The following AMBRA1 variants were observed in gnomAD, a reference collection of about 807,000 sequenced individuals.
AMBRA1 encodes the protein autophagy and beclin 1 regulator 1, also known as activating molecule in BECN1-regulated autophagy protein 1.
AMBRA1 carries 47 observed loss-of-function variants against 125.4 expected under a neutral mutation model. The observed-to-expected ratio is 0.37, with a 90% CI of 0.30 to 0.48. The LOEUF (loss-of-function observed/expected upper bound fraction) is 0.48. Among genes scored for constraint, AMBRA1 ranks in the 20% least tolerant of loss-of-function variants. The probability of loss-of-function intolerance (pLI) is 0.99; values close to 1 mark genes in which losing one functional copy is unlikely to be tolerated. For synonymous variants in AMBRA1, 626 were observed against 655.5 expected, an observed-to-expected ratio of 0.95 and a Z score of 0.69; for missense variants, 1,331 against 1,693.4, an observed-to-expected ratio of 0.79 and a Z score of 3.76.
At chr11:46,511,155 G>C (rs1347844800) in intron 8 of AMBRA1, among the ~76,000 whole-genome samples, 4 of 152,178 alleles carry the variant, frequency 2.6e-5, no homozygotes, top group Admixed American at 1.3e-4. Flanking sequence ...AAGTTCTGGG[G>C]ATGAGATGCC....
Position 46,542,245 on chromosome 11 carries a change from T to G in AMBRA1, c.1772A>C (p.Tyr591Ser). 1 of 1,613,072 alleles carries G rather than the reference T, an allele frequency of 6.2e-7. No individual in the cohort carries two copies. Among genetic ancestry groups the G allele is most frequent in the Non-Finnish European group, 8.5e-7 (1 of 1,179,780 alleles). The change falls in exon 7 of 18, where the codon TAC (tyrosine) becomes TCC (serine). Residue 591 changes from tyrosine (Y) to serine (S), a missense_variant. This residue lies in a region of AMBRA1 where 689 missense variants were observed against 776.5 expected (regional missense o/e 0.89). Transcript: ENST00000683756. This position sits in a 1 kb window ranked among gnomAD's most constrained non-coding sequence, Gnocchi z 5.9. ...TLRWERTTPN[Y>S]SSGEASSSWQ... is the part of the protein sequence containing the mutation. ...AGAGGAACTAGCCTCGCCAGAGGAG[T>G]AGTTAGGTGTGGTTCTTTCCCAGCG...
chr11:46,482,606 C>T (rs1377665973), intron 11 of AMBRA1, among the ~76,000 whole-genome samples: 1 of 152,162 alleles, frequency 6.6e-6, no homozygotes, highest in African/African-American at 2.4e-5. Flanking sequence ...GGGACTTCTA[C>T]CCTTTACCTC....
intron 7 of AMBRA1, among the ~76,000 whole-genome samples, chr11:46,538,833 A>T (rs1952607862): frequency 6.6e-6 from 1 of 152,218 alleles, no homozygotes; most frequent in African/African-American, 2.4e-5. Context: ...TACTTTATTA[A>T]GTGATTAATA....
At chr11:46,514,841 A>G (rs569324760) in intron 7 of AMBRA1, among the ~76,000 whole-genome samples, 7 of 152,338 alleles carry the variant, frequency 4.6e-5, no homozygotes, top group Admixed American at 4.6e-4. Flanking sequence ...GAGTCTTTTA[A>G]AATACAGAAT....
In AMBRA1 at chr11:46,507,474, GTCTCAAAAAAAA is replaced by G. The variant is rs1166375519; in HGVS notation, c.2339+705_2339+716del. ...AGCCTGAGCGAAAGAGCGAGACTCC[GTCTCAAAAAAAA>G]AAAAAAAAAAGATTGGCTAGCTTAA... On this transcript the variant is annotated intron_variant, in intron 9 of 17. Coordinates refer to ENST00000683756, the MANE Select transcript of AMBRA1 (RefSeq NM_001387011.1). 3.8e-3 allele frequency among the ~76,000 whole-genome samples: 515 copies of G among 134,008 alleles called. 1 individual carries two copies. The highest frequency in any genetic ancestry group is 0.012 in the South Asian group (50 of 4,032). The allele number at this position is 134,008 out of a possible 152,430, so 87.9% of individuals were successfully genotyped here.
intron 11 of AMBRA1, among the ~76,000 whole-genome samples, chr11:46,489,225 A>C (rs1590937364): frequency 1.3e-5 from 2 of 149,522 alleles, no homozygotes; most frequent in South Asian, 2.1e-4. Context: ...CGCTCTCCCC[A>C]CCCCACAACA....
intron 1 of AMBRA1, among the ~76,000 whole-genome samples, chr11:46,579,672 T>C (rs1344033630): frequency 1.3e-5 from 2 of 152,192 alleles, no homozygotes; most frequent in Non-Finnish European, 2.9e-5. Context: ...TCACGGATCT[T>C]ACTGTCTTAG....
chr11:46,437,688 G>A (rs1413140230), intron 12 of AMBRA1, among the ~76,000 whole-genome samples: 2 of 152,188 alleles, frequency 1.3e-5, no homozygotes, highest in African/African-American at 4.8e-5. Flanking sequence ...AAATTTTGAT[G>A]AGTTAATTCA....
intron 7 of AMBRA1, among the ~76,000 whole-genome samples, chr11:46,528,473 T>C (rs1952076387): frequency 6.6e-6 from 1 of 152,194 alleles, no homozygotes; most frequent in Admixed American, 6.5e-5. Flanking sequence ...GCCCAGCCAC[T>C]GTGACATATT....
chr11:46,537,960 C>A (rs1222337867), intron 7 of AMBRA1, among the ~76,000 whole-genome samples: 1 of 152,202 alleles, frequency 6.6e-6, no homozygotes, highest in Admixed American at 6.5e-5. Flanking sequence ...ACACAAACAG[C>A]AGGGACACCT....
intron 11 of AMBRA1, among the ~76,000 whole-genome samples, chr11:46,481,454 C>A (rs973424784): frequency 6.6e-6 from 1 of 152,176 alleles, no homozygotes; most frequent in Non-Finnish European, 1.5e-5. Context: ...AACTCTGCCT[C>A]CCGGGTTCAA....
rs1363739765 is a variant in AMBRA1 at position 46,543,120 on chromosome 11, A to G, written c.897T>C (p.Ala299=). 1.3e-6 allele frequency: 2 copies of G among 1,573,642 alleles called. No individual in the cohort carries two copies. Among genetic ancestry groups the G allele is most frequent in the South Asian group, 2.3e-5 (2 of 88,570 alleles). The change falls in exon 7 of 18, where the codon GCT becomes GCC. Residue 299 remains alanine, a synonymous_variant. Coordinates refer to ENST00000683756, the MANE Select transcript of AMBRA1 (RefSeq NM_001387011.1). ...RLRQRVSYPT[A]ECCQHLGILC... is the part of the protein sequence containing the mutation. ...GGATCCCAAGGTGCTGGCAGCACTC[A>G]GCTGTGGGGTAACTGACCCGCTGTC...
intron 7 of AMBRA1, chr11:46,518,155 C>T (rs572314719): frequency 4.0e-5 from 39 of 978,280 alleles, no homozygotes; most frequent in Middle Eastern, 5.3e-4. Context: ...CACGGCCAGG[C>T]GCGGTGGCTC....
chr11:46,572,185 CAG>C (rs1466016625), intron 1 of AMBRA1, among the ~76,000 whole-genome samples: 10 of 152,058 alleles, frequency 6.6e-5, no homozygotes, highest in Admixed American at 6.6e-4. Context: ...CCTGTAATCC[CAG>C]CTACTCGGGA....
intron 11 of AMBRA1, among the ~76,000 whole-genome samples, chr11:46,472,986 T>C (rs1949663667): frequency 1.3e-5 from 2 of 152,200 alleles, no homozygotes; most frequent in African/African-American, 4.8e-5. Context: ...CAACCTGATA[T>C]TACAGTAACA....
intron 11 of AMBRA1, among the ~76,000 whole-genome samples, chr11:46,447,149 C>A (rs1948329789): frequency 6.6e-6 from 1 of 152,072 alleles, no homozygotes; most frequent in African/African-American, 2.4e-5. Context: ...TGGCTCACGC[C>A]CATAACCCCA....
chr11:46,433,612 C>T lies in AMBRA1; in HGVS notation c.2838G>A (p.Ser946=), dbSNP rs767412983. 22 of 1,613,660 alleles carry T rather than the reference C, an allele frequency of 1.4e-5. No individual in the cohort carries two copies. The highest frequency in any genetic ancestry group is 1.2e-4 in the Admixed American group (7 of 59,984). Residue 946 remains serine (S), a synonymous_variant, in exon 14 of 18, where the codon TCG becomes TCA. Coordinates refer to ENST00000683756, the MANE Select transcript of AMBRA1 (RefSeq NM_001387011.1). ...YTKRFGPNAI[S]VSLSPMGRYV... ...ATCTGCCCATTGGGGACAGGCTCAC[C>T]GAAATGGCATTGGGACCTGAGGGCC...
chr11:46,511,699 C>G (rs1028911900), intron 8 of AMBRA1, among the ~76,000 whole-genome samples: 1 of 152,218 alleles, frequency 6.6e-6, no homozygotes, highest in African/African-American at 2.4e-5. Context: ...ATCCGTAAAT[C>G]TGGCTGTGAC....
chr11:46,433,327 G>C, intron 14 of AMBRA1, 147 bp downstream of exon 14: 1 of 965,512 alleles, frequency 1.0e-6, no homozygotes, highest in Non-Finnish European at 1.4e-6. Flanking sequence ...TGCTGGTCAT[G>C]GATGGGCTTG....
Sources: gnomAD v4.1 joint callset for allele counts (sites outside exome capture counted in the v4.1 genomes callset) on GRCh38, gnomAD v4.1.1 for gene constraint, gnomAD v4.1.1 regional missense constraint, Gnocchi (gnomAD v3.1) non-coding constraint, MANE v1.5 for transcripts, NCBI Gene and HGNC (gene_info 2026-07-23, HGNC 2026-07-21) for gene names.